Variants in UBE2H observed in about 807,000 individuals in gnomAD.
The protein encoded by UBE2H is ubiquitin conjugating enzyme E2 H.
Under a neutral mutation model 29.0 loss-of-function variants are expected in UBE2H, and 3 were observed. The observed-to-expected ratio is 0.10, with a 90% CI of 0.05 to 0.27. The LOEUF is 0.27. Among genes scored for constraint, UBE2H ranks in the 10% least tolerant of loss-of-function variants. The pLI is 1.00. For synonymous variants in UBE2H, 69 were observed against 82.9 expected (o/e 0.83, Z 0.91); for missense variants, 68 against 228.2 (o/e 0.30, Z 4.52).
chr7:129,948,421 C>G (rs1254404916), intron 1 of UBE2H, among the ~76,000 whole-genome samples: 1 of 152,170 alleles, frequency 6.6e-6, no homozygotes, highest in Non-Finnish European at 1.5e-5. Flanking sequence ...TGTAAGACAC[C>G]GTCCCTTTCT....
chr7:129,898,783 C>A (rs1806649476), intron 1 of UBE2H, among the ~76,000 whole-genome samples: 1 of 151,076 alleles, frequency 6.6e-6, no homozygotes, highest in Non-Finnish European at 1.5e-5. Flanking sequence ...AACCAAATAA[C>A]CTCATCAGAT....
chr7:129,864,319 C>T (rs1805856104), intron 3 of UBE2H, among the ~76,000 whole-genome samples: 1 of 152,052 alleles, frequency 6.6e-6, no homozygotes, highest in East Asian at 1.9e-4. Flanking sequence ...TTGAGTTGGC[C>T]CTGGCATGTT....
chr7:129,930,380 C>G (rs1054537853), intron 1 of UBE2H, among the ~76,000 whole-genome samples: 6 of 152,170 alleles, frequency 3.9e-5, no homozygotes, highest in African/African-American at 1.4e-4. Context: ...AAGCTGGTCT[C>G]AAACTCCCGA....
chr7:129,922,528 C>T (rs1221244534), intron 1 of UBE2H, among the ~76,000 whole-genome samples: 5 of 152,156 alleles, frequency 3.3e-5, no homozygotes, highest in African/African-American at 9.7e-5. Context: ...CCACCCGCCT[C>T]GGCTTCTCAA....
chr7:129,951,984 T>A (rs780175753), intron 1 of UBE2H, among the ~76,000 whole-genome samples: 10 of 152,074 alleles, frequency 6.6e-5, no homozygotes, highest in Admixed American at 2.6e-4. Context: ...AGCAGGAGAC[T>A]CTCTTCCTAA....
At chr7:129,924,469 G>A (rs558435212) in intron 1 of UBE2H, among the ~76,000 whole-genome samples, 1 of 152,228 alleles carries the variant, frequency 6.6e-6, no homozygotes, top group South Asian at 2.1e-4. Flanking sequence ...GTAATAAATT[G>A]CAGAATTTAT....
At chr7:129,881,988 C>T (rs1806265697) in intron 1 of UBE2H, among the ~76,000 whole-genome samples, 2 of 152,184 alleles carry the variant, frequency 1.3e-5, no homozygotes, top group Non-Finnish European at 2.9e-5. Context: ...TCCATAGCAT[C>T]TGTTTTCACT....
chr7:129,883,185 A>G (rs1007907133), intron 1 of UBE2H, among the ~76,000 whole-genome samples: 1 of 152,264 alleles, frequency 6.6e-6, no homozygotes, highest in East Asian at 1.9e-4. Flanking sequence ...AGTACTTCTG[A>G]GGACAAATCC....
At position 129,908,078 on chromosome 7, in the gene UBE2H, G is replaced by A. The variant is rs530707684; in HGVS notation, c.54-27107C>T. Among the ~76,000 whole-genome samples, 25 of 152,280 alleles carry A rather than the reference G, an allele frequency of 1.6e-4. No homozygotes were observed. In the Middle Eastern group the frequency reaches 0.01, roughly 62 times the overall value. ...GTTCAATATTCACCAGCACACCACT[G>A]TGTAATTTCTATACGAGGTTTGGCT... is the stretch of plus-strand genomic sequence containing the variant. On this transcript the variant is annotated intron_variant, in intron 1 of 6. Coordinates refer to ENST00000355621, the MANE Select transcript of UBE2H (RefSeq NM_003344.4).
chr7:129,938,410 ATTC>A (rs1807572870), intron 1 of UBE2H, among the ~76,000 whole-genome samples: 2 of 80,672 alleles, frequency 2.5e-5, no homozygotes, highest in African/African-American at 4.6e-5. Flanking sequence ...AGACTGCCTC[ATTC>A]AAAAAAAAAA....
chr7:129,879,512 T>C, intron 3 of UBE2H, 56 bp downstream of exon 3: 2 of 1,509,284 alleles, frequency 1.3e-6, no homozygotes, highest in South Asian at 1.2e-5. Flanking sequence ...AAATGTAAGA[T>C]TTTTCCCCCT....
intron 1 of UBE2H, among the ~76,000 whole-genome samples, chr7:129,929,047 G>A (rs1232761247): frequency 2.6e-5 from 4 of 152,118 alleles, no homozygotes; most frequent in Non-Finnish European, 4.4e-5. Flanking sequence ...GGCCAGGCAC[G>A]GTGGCTCACG....
intron 3 of UBE2H, chr7:129,865,132 A>T (rs2116332283): frequency 2.6e-6 from 1 of 378,242 alleles, no homozygotes; most frequent in South Asian, 2.0e-5. Context: ...AATAAAAAGT[A>T]CAGATTACAA....
intron 1 of UBE2H, among the ~76,000 whole-genome samples, chr7:129,883,845 A>T (rs1806303726): frequency 6.6e-6 from 1 of 152,238 alleles, no homozygotes; most frequent in African/African-American, 2.4e-5. Flanking sequence ...CCGTCTCAAA[A>T]AAATATAACT....
intron 1 of UBE2H, among the ~76,000 whole-genome samples, chr7:129,910,067 G>A (rs546217771): frequency 5.9e-5 from 9 of 152,112 alleles, no homozygotes; most frequent in South Asian, 2.1e-4. Context: ...ACGGTGGCTC[G>A]CCTATAATCC....
intron 1 of UBE2H, among the ~76,000 whole-genome samples, chr7:129,940,218 T>C (rs886744931): frequency 6.6e-6 from 1 of 152,132 alleles, no homozygotes; most frequent in Non-Finnish European, 1.5e-5. Flanking sequence ...TGCCTAATAC[T>C]AAAAAGGAAA....
At chr7:129,857,687 A>C (rs759499391) in intron 4 of UBE2H, 124 bp from the exon 5 acceptor site, 4 of 1,030,954 alleles carry the variant, frequency 3.9e-6, no homozygotes, top group Non-Finnish European at 5.7e-6. Flanking sequence ...AAGAATCCCA[A>C]TTGGGGAAAA....
rs571974956 is a variant in UBE2H, at chr7:129,855,769, C to G, written c.298+1742G>C. Among the ~76,000 whole-genome samples, 6 of 152,216 alleles carry G rather than the reference C, an allele frequency of 3.9e-5. No homozygotes were observed. The East Asian group carries it at 1.2e-3, about 29-fold the overall frequency. Reference sequence around the variant, plus strand: ...GGTACTAGCCAGGCATGGTAGTATGCACCTATAGTCCCAGCTACTGGGGAG... The same window carrying G: ...GGTACTAGCCAGGCATGGTAGTATGGACCTATAGTCCCAGCTACTGGGGAG... On this transcript the variant is annotated intron_variant, in intron 5 of 6. Transcript: ENST00000355621.
At position 129,865,017 on chromosome 7, in the gene UBE2H, T is replaced by C. The variant is rs1232383036; in HGVS notation, c.206-6076A>G. The C allele has an allele frequency of 1.4e-5, 6 of 424,230 alleles. No homozygotes were observed. The Admixed American group carries it at 1.6e-4, about 12-fold the overall frequency. 26.3% of individuals were successfully genotyped at this position (424,230 alleles called of 1,614,324 possible). ...AAATGTCCAGCTAAAATGCTTACCC[T>C]TCTCTGTCCTGCGTCTTTTAGCAGA... On this transcript the variant is annotated intron_variant, in intron 3 of 6. Transcript: ENST00000355621.
Sources: gnomAD v4.1 joint callset for allele counts (sites outside exome capture counted in the v4.1 genomes callset) on GRCh38, gnomAD v4.1.1 for gene constraint, MANE v1.5 for transcripts, NCBI Gene and HGNC (gene_info 2026-07-23, HGNC 2026-07-21) for gene names.